RABGAP1L: variants seen among roughly 807,000 people sequenced by gnomAD.
RABGAP1L encodes rab GTPase-activating protein 1-like.
A neutral mutation model predicts 137.7 loss-of-function variants in RABGAP1L; 63 were observed. The ratio of observed to expected loss-of-function variants is 0.46; its 90% CI spans 0.37 to 0.56. The LOEUF is 0.56. Ranked by LOEUF, RABGAP1L falls within the 20% of genes least tolerant of loss-of-function variation. The pLI, the probability that RABGAP1L is intolerant of heterozygous loss-of-function variation, is 0.00. For missense variants in RABGAP1L, 1,095 were observed against 1,244.0 expected, an observed-to-expected ratio of 0.88 and a Z score of 1.80; for synonymous variants, 431 against 433.7, an observed-to-expected ratio of 0.99 and a Z score of 0.08.
chr1:174,250,412 A>G (rs1672625230), intron 5 of RABGAP1L, 63 bp from the exon 6 acceptor site: 1 of 1,283,922 alleles, frequency 7.8e-7, no homozygotes, highest in African/African-American at 1.5e-5. Context: ...GAGTTAGGAG[A>G]GAAGGATATC....
chr1:174,746,423 G>A (rs189237510), intron 17 of RABGAP1L, among the ~76,000 whole-genome samples: 1 of 152,180 alleles, frequency 6.6e-6, no homozygotes, highest in Non-Finnish European at 1.5e-5. Context: ...TCTTCCCACA[G>A]CAAGTTGGGT....
intron 19 of RABGAP1L, among the ~76,000 whole-genome samples, chr1:174,862,402 TTAG>T (rs1265468660): frequency 2.6e-5 from 4 of 152,126 alleles, no homozygotes; most frequent in Non-Finnish European, 5.9e-5. Flanking sequence ...GAGATCATTG[TTAG>T]TAGTAGTAAT....
intron 13 of RABGAP1L, among the ~76,000 whole-genome samples, chr1:174,455,768 AAC>A (rs1655974099): frequency 6.6e-6 from 1 of 152,130 alleles, no homozygotes; most frequent in African/African-American, 2.4e-5. Flanking sequence ...GAAATTTGGA[AAC>A]ACTTATAACG....
At chr1:174,467,856 A>T (rs1010057266) in intron 13 of RABGAP1L, among the ~76,000 whole-genome samples, 10 of 152,186 alleles carry the variant, frequency 6.6e-5, no homozygotes, top group African/African-American at 2.4e-4. Context: ...AACTATATAA[A>T]GAGAAGCTAA....
chr1:174,926,092 C>G (rs959911896), intron 19 of RABGAP1L, among the ~76,000 whole-genome samples: 1 of 151,692 alleles, frequency 6.6e-6, no homozygotes, highest in Non-Finnish European at 1.5e-5. Flanking sequence ...ATCTTTTCCC[C>G]ACCTATTTGT....
At chr1:174,334,569 T>C (rs1270144211) in intron 11 of RABGAP1L, among the ~76,000 whole-genome samples, 1 of 152,218 alleles carries the variant, frequency 6.6e-6, no homozygotes. Context: ...TCATAAATTA[T>C]ACACTTGTCC....
intron 13 of RABGAP1L, among the ~76,000 whole-genome samples, chr1:174,590,225 C>A (rs1323180460): frequency 7.4e-6 from 1 of 134,598 alleles, no homozygotes; most frequent in Non-Finnish European, 1.5e-5. Flanking sequence ...TTAAAATGGA[C>A]TAATACACAA....
At chr1:174,206,750 G>C (rs778102535) in intron 1 of RABGAP1L, among the ~76,000 whole-genome samples, 13 of 152,072 alleles carry the variant, frequency 8.5e-5, no homozygotes, top group Non-Finnish European at 1.0e-4. Context: ...ACGTTATTTT[G>C]GGAAGAAAAT....
At chr1:174,329,259 C>A (rs745507674) in intron 11 of RABGAP1L, among the ~76,000 whole-genome samples, 1 of 152,054 alleles carries the variant, frequency 6.6e-6, no homozygotes, top group Non-Finnish European at 1.5e-5. Context: ...AATTTTTGAA[C>A]GCATACAACC....
At chr1:174,186,364 T>C (rs192015367) in intron 1 of RABGAP1L, among the ~76,000 whole-genome samples, 3 of 152,314 alleles carry the variant, frequency 2.0e-5, no homozygotes, top group Non-Finnish European at 4.4e-5. Context: ...CTCACAAAGT[T>C]ATAGCTAACA....
At chr1:174,918,720 T>A (rs1244989027) in intron 19 of RABGAP1L, among the ~76,000 whole-genome samples, 1 of 152,034 alleles carries the variant, frequency 6.6e-6, no homozygotes, top group Non-Finnish European at 1.5e-5. Flanking sequence ...ATGGCTATAG[T>A]GAGCCAAAAT....
chr1:174,897,814 AC>A (rs1657461503), intron 19 of RABGAP1L: 1 of 151,838 alleles, frequency 6.6e-6, no homozygotes, highest in Admixed American at 6.6e-5. Flanking sequence ...ACATAGTGAA[AC>A]CCTGTCTCTA....
chr1:174,732,139 C>T (rs1682525909), intron 17 of RABGAP1L, among the ~76,000 whole-genome samples: 3 of 151,196 alleles, frequency 2.0e-5, no homozygotes, highest in South Asian at 2.1e-4. Flanking sequence ...GTGGAGGTTG[C>T]AGTGAGCCGA....
intron 13 of RABGAP1L, among the ~76,000 whole-genome samples, chr1:174,450,283 A>T (rs1001116636): frequency 1.3e-5 from 2 of 152,148 alleles, no homozygotes; most frequent in Non-Finnish European, 2.9e-5. Context: ...TAGGTCTACG[A>T]TAGCTTACTG....
intron 13 of RABGAP1L, among the ~76,000 whole-genome samples, chr1:174,465,559 A>G (rs1468672973): frequency 2.0e-5 from 3 of 152,178 alleles, no homozygotes; most frequent in Non-Finnish European, 4.4e-5. Flanking sequence ...GTGAACAGGA[A>G]TGATAAACTC....
At chr1:174,368,828 A>T (rs1284706861) in intron 11 of RABGAP1L, among the ~76,000 whole-genome samples, 1 of 151,986 alleles carries the variant, frequency 6.6e-6, no homozygotes, top group Admixed American at 6.6e-5. Context: ...ATGCTTAGGA[A>T]TTCCTTTCCC....
chr1:174,905,557 A>G (rs1658904886), intron 19 of RABGAP1L, among the ~76,000 whole-genome samples: 1 of 152,216 alleles, frequency 6.6e-6, no homozygotes, highest in African/African-American at 2.4e-5. Flanking sequence ...CTGTCTGAAA[A>G]TACACAGAGA....
rs572935613 is a variant in RABGAP1L at position 174,860,365 on chromosome 1, G to A, written c.2340+48405G>A. 8.7e-4 allele frequency among the ~76,000 whole-genome samples: 133 copies of A among 152,178 alleles called. 1 individual carries two copies. Among genetic ancestry groups the A allele is most frequent in the African/African-American group, 3.0e-3 (126 of 41,506 alleles). ...ACCTACTGTCCCAGGTACTTGGGAG[G>A]CTGAGGCAAGATAAGTTGAGGTTGC... On this transcript the variant is annotated intron_variant, in intron 19 of 25. Coordinates refer to ENST00000681986, the MANE Select transcript of RABGAP1L (RefSeq NM_001366446.1).
At chr1:174,892,488 T>C (rs973020873) in intron 19 of RABGAP1L, 17 of 474,020 alleles carry the variant, frequency 3.6e-5, no homozygotes, top group South Asian at 1.9e-4. Context: ...GCTTCTTTTC[T>C]ACTTTGTAAG....
Sources: gnomAD v4.1 joint callset for allele counts (sites outside exome capture counted in the v4.1 genomes callset) on GRCh38, gnomAD v4.1.1 for gene constraint, MANE v1.5 for transcripts, NCBI Gene and HGNC (gene_info 2026-07-23, HGNC 2026-07-21) for gene names.